RNF213: variants seen among roughly 807,000 people sequenced by gnomAD.
RNF213 encodes the protein E3 ubiquitin-protein ligase RNF213.
Under a neutral mutation model 514.4 loss-of-function variants are expected in RNF213, and 341 were observed. That is an observed-to-expected ratio of 0.66 (90% confidence interval 0.61 to 0.73). The LOEUF (loss-of-function observed/expected upper bound fraction) is 0.73, where lower values mean the gene tolerates loss of function less well. Among genes scored for constraint, RNF213 ranks in the 30% least tolerant of loss-of-function variants. The pLI is 0.00. For missense variants in RNF213, 5,767 were observed against 6,615.6 expected (o/e 0.87, Z 4.45); for synonymous variants, 2,655 against 2,658.2 (o/e 1.00, Z 0.04).
chr17:80,353,242 G>A lies in RNF213; in HGVS notation c.10423+183G>A, dbSNP rs535165841. On this transcript the variant is annotated intron_variant, in intron 33 of 67. Transcript: ENST00000582970. This position sits in a 1 kb window ranked among gnomAD's most constrained non-coding sequence, Gnocchi z 5.0. ...CATAGAGCACCAGGGCCGAGCAGGT[G>A]CGCTTACCACAGGCTGAGGTAGAGC... 174 of 883,568 alleles carry A rather than the reference G, an allele frequency of 2.0e-4. No homozygotes were observed. Among genetic ancestry groups the A allele is most frequent in the Middle Eastern group, 6.5e-4 (3 of 4,612 alleles). The allele number at this position is 883,568 out of a possible 1,614,324, so 54.7% of individuals were successfully genotyped here.
In RNF213 at chr17:80,328,337, G is replaced by T. The variant is rs998694484; in HGVS notation, c.3377G>T (p.Ser1126Ile). 6.5e-7 allele frequency: 1 copy of T among 1,535,280 alleles called. No homozygotes were observed. The highest frequency in any genetic ancestry group is 2.4e-5 in the East Asian group (1 of 40,912). The stretch of plus-strand genomic sequence containing the variant: ...TGTTCTTATTTTCCAGGGGAAAAAA[G>T]TCTTTCACCCCAGGATGAACAATGT... ...FLDIWQLREKSLSPQDEQCAV... is the reference protein window; with the variant it reads ...FLDIWQLREKILSPQDEQCAV... Residue 1126 changes from serine (S) to isoleucine (I), a missense_variant, in exon 20 of 68, where the codon AGT becomes ATT. Ser to Ile is a moderately radical substitution (Grantham distance 142). Coordinates refer to ENST00000582970, the MANE Select transcript of RNF213 (RefSeq NM_001256071.3).
intron 14 of RNF213, among the ~76,000 whole-genome samples, chr17:80,311,443 T>C (rs987605340): frequency 3.9e-5 from 6 of 152,164 alleles, no homozygotes; most frequent in Admixed American, 1.3e-4. Flanking sequence ...AGCTGTGCCA[T>C]TGGGGGGACC....
chr17:80,286,051 C>G, intron 3 of RNF213, among the ~76,000 whole-genome samples: 1 of 152,336 alleles, frequency 6.6e-6, no homozygotes, highest in East Asian at 1.9e-4. Context: ...CAGTGAGGCC[C>G]TGTTTTAGAG....
At chr17:80,355,088 GT>G in intron 36 of RNF213, 2 of 407,366 alleles carry the variant, frequency 4.9e-6, no homozygotes, top group Admixed American at 5.6e-5. Flanking sequence ...GGAAGGAGGG[GT>G]GCTCTGGGCC....
chr17:80,267,320 A>G (rs758749638), intron 2 of RNF213, among the ~76,000 whole-genome samples: 35 of 151,882 alleles, frequency 2.3e-4, no homozygotes, highest in Non-Finnish European at 4.3e-4. Context: ...GTGTACCTGT[A>G]GTCCCAGCTA....
chr17:80,291,262 A>ATTT (rs57271953), intron 7 of RNF213, among the ~76,000 whole-genome samples: 6 of 137,388 alleles, frequency 4.4e-5, no homozygotes, highest in African/African-American at 1.1e-4. Flanking sequence ...CTTTCTTATA[A>ATTT]TTTTTTTTTT....
rs564832198 is a variant in RNF213 at position 80,386,549 on chromosome 17, C to T, written c.14720+119C>T. The T allele has an allele frequency of 1.4e-5, 20 of 1,405,120 alleles. No individual in the cohort carries two copies. The East Asian group carries it at 4.2e-4, about 29-fold the overall frequency. 87.0% of individuals were successfully genotyped at this position (1,405,120 alleles called of 1,614,324 possible). ...AACAGACACTCACTCCTTCAGCCGC[C>T]CCCACCAGTGACCCGCCCCATACTT... is the stretch of plus-strand genomic sequence containing the variant. On this transcript the variant is annotated intron_variant, in intron 62 of 67. Transcript: ENST00000582970.
At position 80,397,254 on chromosome 17, in the gene RNF213, C is replaced by G. The variant is rs913136070; in HGVS notation, c.*3756C>G. On this transcript the variant is annotated 3_prime_UTR_variant, in exon 68 of 68. Transcript: ENST00000582970. ...GTCCTGGCTCTCCCATTTGCCAGTT[C>G]TACAGCCATGGGCAAGTGGCTCGAC... 2 of 152,226 alleles carry G rather than the reference C, an allele frequency of 1.3e-5. No individual in the cohort carries two copies. The highest frequency in any genetic ancestry group is 2.9e-5 in the Non-Finnish European group (2 of 68,068). 9.4% of individuals were successfully genotyped at this position (152,226 alleles called of 1,614,324 possible).
rs764924271 is a variant in RNF213, at chr17:80,287,936, C to A, written c.383C>A (p.Pro128His). The change falls in exon 4 of 68, where the codon CCT becomes CAT. Residue 128 changes from proline (P) to histidine (H), a missense_variant. This residue lies in a region of RNF213 where 509 missense variants were observed against 496.7 expected (regional missense o/e 1.02). Coordinates refer to ENST00000582970, the MANE Select transcript of RNF213 (RefSeq NM_001256071.3). Reference protein sequence around the residue: ...CHLTLLSNPWPQDTALPHSQA... With the variant: ...CHLTLLSNPWHQDTALPHSQA... Reference sequence around the variant, plus strand: ...CTGACTTTGCTTTCAAACCCGTGGCCTCAGGACACAGCCCTGCCCCACAGC... The same window carrying A: ...CTGACTTTGCTTTCAAACCCGTGGCATCAGGACACAGCCCTGCCCCACAGC... The A allele has an allele frequency of 7.6e-6, 12 of 1,569,608 alleles. No individual in the cohort carries two copies. Among genetic ancestry groups the A allele is most frequent in the Non-Finnish European group, 1.0e-5 (12 of 1,157,384 alleles).
intron 36 of RNF213, among the ~76,000 whole-genome samples, chr17:80,356,745 CTT>C (rs1273801662): frequency 6.6e-6 from 1 of 152,236 alleles, no homozygotes; most frequent in Non-Finnish European, 1.5e-5. Flanking sequence ...GTTCGCGACA[CTT>C]TTCCTAGTTT....
At chr17:80,384,926 C>A in intron 59 of RNF213, 113 bp from the exon 60 acceptor site, 1 of 1,124,948 alleles carries the variant, frequency 8.9e-7, no homozygotes, top group Non-Finnish European at 1.3e-6. Flanking sequence ...GGAAATGACA[C>A]TGACCAGATT....
At chr17:80,274,845 A>T in intron 3 of RNF213, among the ~76,000 whole-genome samples, 1 of 21,370 alleles carries the variant, frequency 4.7e-5, no homozygotes, top group Non-Finnish European at 8.5e-5. Flanking sequence ...GTGGGGGGTG[A>T]GTGGGGTGTG....
At chr17:80,376,157 C>A in intron 51 of RNF213, 144 bp from the exon 52 acceptor site, 1 of 910,088 alleles carries the variant, frequency 1.1e-6, no homozygotes. Flanking sequence ...CAATTCTCTT[C>A]TCTGAAAAAT....
At chr17:80,261,706 A>G (rs2043429097) in intron 1 of RNF213, among the ~76,000 whole-genome samples, 2 of 152,206 alleles carry the variant, frequency 1.3e-5, no homozygotes, top group South Asian at 2.1e-4. Flanking sequence ...TCCGGCCCCT[A>G]GAGCAGATGG....
intron 17 of RNF213, chr17:80,320,227 A>T (rs2046093512): frequency 6.4e-6 from 1 of 155,478 alleles, no homozygotes; most frequent in Non-Finnish European, 1.4e-5. Flanking sequence ...CAATTGCTGA[A>T]CATAAACAAC....
rs1447058441 is a variant in RNF213, at chr17:80,346,963, C to A, written c.8628C>A (p.His2876Gln). ...DGCIEDDPAP[H>Q]KKVGFVGISN... ...GCATTGAAGACGATCCCGCCCCCCA[C>A]AAAAAGGTCGGCTTCGTGGGCATCT... Residue 2876 changes from histidine to glutamine, a missense_variant, in exon 29 of 68, where the codon CAC (histidine) becomes CAA (glutamine). Transcript: ENST00000582970. This position sits in a 1 kb window ranked among gnomAD's most constrained non-coding sequence, Gnocchi z 8.1. The A allele has an allele frequency of 1.2e-6, 2 of 1,613,876 alleles. No homozygotes were observed. The highest frequency in any genetic ancestry group is 2.2e-5 in the South Asian group (2 of 91,060).
chr17:80,288,522 G>A lies in RNF213; in HGVS notation c.811-111G>A. The A allele has an allele frequency of 6.8e-6, 11 of 1,607,664 alleles. No homozygotes were observed. The South Asian group carries it at 7.7e-5, about 11-fold the overall frequency. ...GGAGGGCTGCCCCTCCACTGGGGATGCCAGCCCACCCTGTCCCTCGGCTTG... is the reference window on the plus strand; with the variant it reads ...GGAGGGCTGCCCCTCCACTGGGGATACCAGCCCACCCTGTCCCTCGGCTTG... On this transcript the variant is annotated intron_variant, in intron 4 of 67. Coordinates refer to ENST00000582970, the MANE Select transcript of RNF213 (RefSeq NM_001256071.3). The surrounding 1 kb of genome is among the most constrained non-coding windows in gnomAD (Gnocchi z 4.9).
intron 32 of RNF213, chr17:80,352,528 A>G (rs1001501642): frequency 2.4e-5 from 13 of 542,952 alleles, no homozygotes; most frequent in Non-Finnish European, 4.2e-5. Context: ...TGACATAGAA[A>G]AGTTGGTATT....
chr17:80,365,752 C>T (rs1311776332), intron 42 of RNF213, among the ~76,000 whole-genome samples: 1 of 152,158 alleles, frequency 6.6e-6, no homozygotes, highest in African/African-American at 2.4e-5. Flanking sequence ...CTTTTCCCCA[C>T]ACCCACACAG....
Sources: allele counts gnomAD v4.1 joint callset (sites outside exome capture counted in the v4.1 genomes callset), GRCh38; gene constraint gnomAD v4.1.1; regional missense constraint gnomAD v4.1.1; non-coding constraint Gnocchi (gnomAD v3.1); transcripts MANE v1.5; gene names NCBI Gene and HGNC (gene_info 2026-07-23, HGNC 2026-07-21).